POLB: variants seen among roughly 807,000 people sequenced by gnomAD.
The protein encoded by POLB is 5'-dRP lyase.
A neutral mutation model predicts 52.7 loss-of-function variants in POLB; 37 were observed. That is an observed-to-expected ratio of 0.70 (90% CI 0.54 to 0.92). POLB has a LOEUF of 0.92. Ranked by LOEUF, POLB falls within the 40% of genes least tolerant of loss-of-function variation. The pLI, the probability that POLB is intolerant of heterozygous loss-of-function variation, is 0.00. For synonymous variants in POLB, 138 were observed against 131.3 expected (o/e 1.05, Z -0.35); for missense variants, 313 against 400.8 (o/e 0.78, Z 1.87).
rs1824271800 is a variant in POLB at position 42,369,901 on chromosome 8, G to A, written c.826G>A (p.Asp276Asn). The A allele has an allele frequency of 6.2e-7, 1 of 1,604,892 alleles. No homozygotes were observed. The highest frequency in any genetic ancestry group is 1.3e-5 in the African/African-American group (1 of 74,696). The change falls in exon 13 of 14, where the codon GAT becomes AAT. Residue 276 changes from aspartate to asparagine, a missense_variant. Asp to Asn is a conservative substitution (Grantham distance 23, BLOSUM62 1). Coordinates refer to ENST00000265421, the MANE Select transcript of POLB (RefSeq NM_002690.3). ...YCGVLYFTGSDIFNKNMRAHA... is the reference protein window; with the variant it reads ...YCGVLYFTGSNIFNKNMRAHA... ...TGGTGTTCTCTATTTCACTGGGAGT[G>A]ATATTTTCAATAAGAATATGAGGGC...
intron 6 of POLB, among the ~76,000 whole-genome samples, chr8:42,355,259 C>G (rs759323958): frequency 1.3e-5 from 2 of 151,784 alleles, no homozygotes. Context: ...AGGCTGGTCT[C>G]GAACTCCTGA....
At chr8:42,366,731 C>A (rs1363763700) in intron 11 of POLB, among the ~76,000 whole-genome samples, 7 of 152,184 alleles carry the variant, frequency 4.6e-5, no homozygotes, top group Non-Finnish European at 8.8e-5. Flanking sequence ...TACTAATACT[C>A]TGTATGGCAT....
intron 10 of POLB, chr8:42,361,573 A>G (rs763010027): frequency 1.8e-6 from 1 of 543,244 alleles, no homozygotes; most frequent in Non-Finnish European, 3.3e-6. Context: ...AGGACAGTCT[A>G]ACATTTGAAA....
At chr8:42,357,463 G>A in intron 9 of POLB, 71 bp downstream of exon 9, 1 of 811,862 alleles carries the variant, frequency 1.2e-6, no homozygotes, top group Non-Finnish European at 2.1e-6. Context: ...GGAAGAATTT[G>A]GATTAAAAAG....
intron 11 of POLB, among the ~76,000 whole-genome samples, chr8:42,366,854 T>C (rs967474857): frequency 1.3e-5 from 2 of 152,216 alleles, no homozygotes; most frequent in Non-Finnish European, 2.9e-5. Flanking sequence ...TGTGGAAACT[T>C]TGAAGAGTTT....
At chr8:42,339,164 C>T in intron 2 of POLB, 95 bp downstream of exon 2, 2 of 966,584 alleles carry the variant, frequency 2.1e-6, no homozygotes, top group Non-Finnish European at 3.4e-6. Flanking sequence ...GATATTTGGT[C>T]CATCTGCAAG....
intron 4 of POLB, chr8:42,349,371 C>T (rs1271971418): frequency 4.1e-6 from 1 of 245,716 alleles, no homozygotes; most frequent in Non-Finnish European, 7.7e-6. Flanking sequence ...AGATCGTTAT[C>T]TTTTAGAATT....
intron 6 of POLB, 96 bp downstream of exon 6, chr8:42,352,664 A>T: frequency 1.3e-6 from 1 of 765,138 alleles, no homozygotes; most frequent in Non-Finnish European, 2.4e-6. Flanking sequence ...CCCATTCTCA[A>T]TCAGTAGATA....
At chr8:42,342,122 C>G in intron 2 of POLB, 1 of 1,342,164 alleles carries the variant, frequency 7.5e-7, no homozygotes, top group Non-Finnish European at 1.1e-6. Context: ...TCATTTGGTA[C>G]TTTGAGGGAT....
At chr8:42,361,904 A>G (rs1823716866) in intron 10 of POLB, among the ~76,000 whole-genome samples, 1 of 152,244 alleles carries the variant, frequency 6.6e-6, no homozygotes, top group African/African-American at 2.4e-5. Flanking sequence ...GTTTCTAAAA[A>G]TATGTTTCAT....
intron 11 of POLB, among the ~76,000 whole-genome samples, chr8:42,366,644 T>TA (rs1824057395): frequency 6.6e-6 from 1 of 152,134 alleles, no homozygotes; most frequent in Non-Finnish European, 1.5e-5. Context: ...TAGAGACAGG[T>TA]AAGAGGTGGT....
Position 42,357,333 on chromosome 8 carries a change from A to G in POLB, c.491A>G (p.Asn164Ser), listed in dbSNP as rs1189479273. 3 of 1,563,916 alleles carry G rather than the reference A, an allele frequency of 1.9e-6. No individual in the cohort carries two copies. The highest frequency in any genetic ancestry group is 1.7e-5 in the Admixed American group (1 of 59,826). Residue 164 changes from asparagine (N) to serine (S), a missense_variant, in exon 9 of 14, where the codon AAT becomes AGT. By Grantham distance (46) the Asn-to-Ser change is conservative (BLOSUM62 1). Coordinates refer to ENST00000265421, the MANE Select transcript of POLB (RefSeq NM_002690.3). ...EMLQMQDIVL[N>S]EVKKVDSEYI... ...TTCTTCTATTAGGATATTGTACTAA[A>G]TGAAGTTAAAAAAGTGGATTCTGAA...
rs756393596 is a variant in POLB at position 42,369,323 on chromosome 8, G to T, written c.761G>T (p.Arg254Ile). 3.2e-6 allele frequency: 5 copies of T among 1,578,850 alleles called. No individual in the cohort carries two copies. The highest frequency in any genetic ancestry group is 4.3e-6 in the Non-Finnish European group (5 of 1,149,448). ...KNDEKEYPHR[R>I]IDIRLIPKDQ... is the part of the protein sequence containing the mutation. ...GATGAAAAAGAATATCCACACAGAA[G>T]AATTGATATCAGGTATTGTTCAGAC... The change falls in exon 12 of 14, where the codon AGA becomes ATA. Residue 254 changes from arginine to isoleucine, a missense_variant. Transcript: ENST00000265421.
rs749887120 is a variant in POLB at position 42,371,537 on chromosome 8, A to G, written c.914-26A>G. On this transcript the variant is annotated intron_variant, in intron 13 of 13. Transcript: ENST00000265421. ...CTAAACTATAAAACTGGTTCTTACA[A>G]TAAGTTTTTCTCTCTGTACTTGCAG... 27 of 1,387,718 alleles carry G rather than the reference A, an allele frequency of 1.9e-5. No homozygotes were observed. The South Asian group carries it at 2.0e-4, about 10-fold the overall frequency. The allele number at this position is 1,387,718 out of a possible 1,614,324, so 86.0% of individuals were successfully genotyped here.
intron 6 of POLB, 76 bp downstream of exon 6, chr8:42,352,644 A>G: frequency 1.1e-6 from 1 of 873,418 alleles, no homozygotes. Flanking sequence ...ACAAACTTCA[A>G]CTTGAAAAAC....
chr8:42,339,085 A>C lies in POLB; in HGVS notation c.119+16A>C, dbSNP rs752787965. ...ATGCTTACAGGTGGGACAGTGCAGC[A>C]TTCTCGGGTAGCATACGTTCTGGGA... On this transcript the variant is annotated intron_variant, in intron 2 of 13. Coordinates refer to ENST00000265421, the MANE Select transcript of POLB (RefSeq NM_002690.3). 6.3e-7 allele frequency: 1 copy of C among 1,597,448 alleles called. No homozygotes were observed. Among genetic ancestry groups the C allele is most frequent in the African/African-American group, 1.3e-5 (1 of 74,716 alleles).
At chr8:42,367,498 A>C (rs3136790) in intron 11 of POLB, among the ~76,000 whole-genome samples, 42,752 of 152,078 alleles carry the variant, frequency 0.28, 10,585 homozygotes, top group African/African-American at 0.67. Flanking sequence ...TCTAATGAAG[A>C]TGAGAGCTCT....
intron 7 of POLB, among the ~76,000 whole-genome samples, chr8:42,356,220 A>G (rs538498182): frequency 1.3e-5 from 2 of 152,340 alleles, no homozygotes; most frequent in Admixed American, 6.5e-5. Flanking sequence ...ATGCTTTACC[A>G]TAATATTTTA....
intron 6 of POLB, among the ~76,000 whole-genome samples, chr8:42,354,171 A>G (rs1437200256): frequency 6.6e-6 from 1 of 152,214 alleles, no homozygotes; most frequent in East Asian, 1.9e-4. Context: ...AAGGAATACA[A>G]CTGTTGATAT....
Sources: gnomAD v4.1 joint callset for allele counts (sites outside exome capture counted in the v4.1 genomes callset) on GRCh38, gnomAD v4.1.1 for gene constraint, MANE v1.5 for transcripts, NCBI Gene and HGNC (gene_info 2026-07-23, HGNC 2026-07-21) for gene names.